Variants in FOXN3 observed in about 807,000 individuals in gnomAD.
FOXN3 encodes the protein forkhead box protein N3.
A neutral mutation model predicts 38.4 loss-of-function variants in FOXN3; 7 were observed. The ratio of observed to expected loss-of-function variants is 0.18; its 90% CI spans 0.10 to 0.34. The LOEUF (loss-of-function observed/expected upper bound fraction) is 0.34. FOXN3 is among the 10% of genes least tolerant of loss of function. The pLI is 1.00. For synonymous variants in FOXN3, 230 were observed against 242.2 expected (o/e 0.95, Z 0.47); for missense variants, 456 against 613.4 (o/e 0.74, Z 2.71).
intron 4 of FOXN3, among the ~76,000 whole-genome samples, chr14:89,204,276 G>C (rs759086009): frequency 6.6e-6 from 1 of 152,126 alleles, no homozygotes; most frequent in Non-Finnish European, 1.5e-5. Context: ...TCTTGGGGTG[G>C]CTGTGGTACA....
chr14:89,224,398 G>T (rs1884565801), intron 4 of FOXN3, among the ~76,000 whole-genome samples: 1 of 152,172 alleles, frequency 6.6e-6, no homozygotes, highest in Non-Finnish European at 1.5e-5. Flanking sequence ...CCTGTCAAAA[G>T]CCTAAGGAGA....
At chr14:89,204,158 C>T (rs1397487634) in intron 4 of FOXN3, among the ~76,000 whole-genome samples, 4 of 151,642 alleles carry the variant, frequency 2.6e-5, no homozygotes, top group South Asian at 2.1e-4. Flanking sequence ...CTTAGAAACC[C>T]GAGCTTCAGG....
chr14:89,564,345 C>A (rs1392028597), intron 1 of FOXN3, among the ~76,000 whole-genome samples: 1 of 152,186 alleles, frequency 6.6e-6, no homozygotes, highest in Non-Finnish European at 1.5e-5. Context: ...CCCAGAGAAT[C>A]TCTACAAATA....
intron 3 of FOXN3, chr14:89,290,152 T>C (rs17125613): frequency 0.33 from 62,063 of 190,738 alleles, 10,350 homozygotes; most frequent in South Asian, 0.39. Flanking sequence ...TTCCAGTTCT[T>C]TACTGCTACT....
chr14:89,501,156 A>G lies in FOXN3; in HGVS notation c.-14-88666T>C, dbSNP rs1480769475. Among the ~76,000 whole-genome samples, 3 of 152,338 alleles carry G rather than the reference A, an allele frequency of 2.0e-5. No homozygotes were observed. The East Asian group carries it at 5.8e-4, about 29-fold the overall frequency. On this transcript the variant is annotated intron_variant, in intron 1 of 6. Coordinates refer to the FOXN3 transcript ENST00000345097. ...TTTTCTAAATCTGAGGAAATGTTCA[A>G]CTGTACACATGTATCTTATGCTAAT...
intron 5 of FOXN3, among the ~76,000 whole-genome samples, chr14:89,179,894 A>T (rs1001740536): frequency 2.0e-5 from 3 of 152,256 alleles, no homozygotes; most frequent in Admixed American, 6.5e-5. Context: ...TATTTGGGGA[A>T]CACATTTGGC....
At chr14:89,257,789 A>T (rs1307506111) in intron 4 of FOXN3, among the ~76,000 whole-genome samples, 1 of 152,162 alleles carries the variant, frequency 6.6e-6, no homozygotes, top group African/African-American at 2.4e-5. Flanking sequence ...ACTTTGGCTA[A>T]TGTCCATTTA....
At chr14:89,600,126 A>G (rs1167053961) in intron 1 of FOXN3, among the ~76,000 whole-genome samples, 1 of 152,202 alleles carries the variant, frequency 6.6e-6, no homozygotes, top group Non-Finnish European at 1.5e-5. Context: ...TCTCAGCAGA[A>G]GAGTTAAACA....
rs528933288 is a variant in FOXN3 at position 89,574,182 on chromosome 14, A to G, written c.-15+44846T>C. Among the ~76,000 whole-genome samples, 3 of 152,310 alleles carry G rather than the reference A, an allele frequency of 2.0e-5. No homozygotes were observed. In the South Asian group the frequency reaches 6.2e-4, roughly 32 times the overall value. Reference sequence around the variant, plus strand: ...CCACTCTCCCTTCAGCCCCTACTCAATAATTCACTCCACTCCAAAGCAGAC... The same window carrying G: ...CCACTCTCCCTTCAGCCCCTACTCAGTAATTCACTCCACTCCAAAGCAGAC... On this transcript the variant is annotated intron_variant, in intron 1 of 6. Coordinates refer to the FOXN3 transcript ENST00000345097.
intron 3 of FOXN3, among the ~76,000 whole-genome samples, chr14:89,330,190 C>G (rs1410943374): frequency 2.0e-5 from 3 of 152,172 alleles, no homozygotes; most frequent in Admixed American, 1.3e-4. Context: ...AAGCACAAAC[C>G]TGTTTGTCAA....
chr14:89,326,349 C>T lies in FOXN3; in HGVS notation c.680+24323G>A, dbSNP rs80187643. ...ACAAGTATATTTTCAACCCCAGGAA[C>T]TGTACAGAATTTTAATTTTGCTTCA... On this transcript the variant is annotated intron_variant, in intron 3 of 5. Coordinates refer to ENST00000557258, the MANE Select transcript of FOXN3 (RefSeq NM_005197.4). 4.7e-3 allele frequency among the ~76,000 whole-genome samples: 717 copies of T among 152,310 alleles called. 7 individuals are homozygous for T. Among genetic ancestry groups the T allele is most frequent in the Non-Finnish European group, 6.6e-3 (452 of 68,018 alleles).
rs59945805 is a variant in FOXN3 at position 89,478,931 on chromosome 14, C to CAAAAAAAAAAAAA, written c.-14-66454_-14-66442dup. ...TGGGTGAGAGAGCGAGACTCCATCTCAAAAAAAAAAAAAAAAAAATTACCA... is the reference window on the plus strand; with the variant it reads ...TGGGTGAGAGAGCGAGACTCCATCTCAAAAAAAAAAAAAAAAAAAAAAAAAAAAAAAATTACCA... On this transcript the variant is annotated intron_variant, in intron 1 of 6. Transcript: ENST00000345097. Among the ~76,000 whole-genome samples the CAAAAAAAAAAAAA allele has an allele frequency of 4.5e-3, 241 of 54,142 alleles. 23 individuals are homozygous for CAAAAAAAAAAAAA. The highest frequency in any genetic ancestry group is 0.019 in the South Asian group (17 of 908). 35.5% of individuals were successfully genotyped at this position (54,142 alleles called of 152,430 possible).
intron 1 of FOXN3, among the ~76,000 whole-genome samples, chr14:89,564,145 G>A (rs243182): frequency 0.17 from 26,359 of 152,006 alleles, 3,017 homozygotes; most frequent in East Asian, 0.41. Context: ...ATGAGCCACC[G>A]TGCCTGGCCC....
At chr14:89,384,912 A>C (rs1221703147) in intron 2 of FOXN3, among the ~76,000 whole-genome samples, 1 of 152,200 alleles carries the variant, frequency 6.6e-6, no homozygotes, top group Non-Finnish European at 1.5e-5. Flanking sequence ...GTTGTAAATT[A>C]CATGGTTTTA....
intron 1 of FOXN3, among the ~76,000 whole-genome samples, chr14:89,560,742 G>A (rs1895232272): frequency 6.6e-6 from 1 of 152,128 alleles, no homozygotes; most frequent in Non-Finnish European, 1.5e-5. Flanking sequence ...TGTACTACAG[G>A]GCCAGTTACT....
At chr14:89,299,745 C>T (rs915527070) in intron 3 of FOXN3, among the ~76,000 whole-genome samples, 2 of 152,196 alleles carry the variant, frequency 1.3e-5, no homozygotes, top group Non-Finnish European at 2.9e-5. Context: ...GCCACTCCCT[C>T]CTTCCTTTGG....
At chr14:89,382,693 C>T (rs966563252) in intron 2 of FOXN3, among the ~76,000 whole-genome samples, 1 of 152,232 alleles carries the variant, frequency 6.6e-6, no homozygotes, top group African/African-American at 2.4e-5. Flanking sequence ...GCCTCTCTGA[C>T]CCTCAGTTTC....
rs57528739 is a variant in FOXN3 at position 89,310,013 on chromosome 14, T to G, written c.681-28999A>C. ...ACGTCGCTAAGTGCCATCCTACCCA[T>G]GCGGGGGTGGGGACAGTGACCAATG... On this transcript the variant is annotated intron_variant, in intron 3 of 5. Coordinates refer to ENST00000557258, the MANE Select transcript of FOXN3 (RefSeq NM_005197.4). Among the ~76,000 whole-genome samples the G allele has an allele frequency of 1.3e-4, 20 of 152,230 alleles. No homozygotes were observed. The South Asian group carries it at 3.1e-3, about 24-fold the overall frequency.
intron 1 of FOXN3, among the ~76,000 whole-genome samples, chr14:89,427,029 C>T (rs1356323951): frequency 1.3e-5 from 2 of 151,310 alleles, no homozygotes; most frequent in Non-Finnish European, 2.9e-5. Context: ...GTCAGGAGTT[C>T]GAGACCAGCC....
Sources: gnomAD v4.1 joint callset for allele counts (sites outside exome capture counted in the v4.1 genomes callset) on GRCh38, gnomAD v4.1.1 for gene constraint, MANE v1.5 for transcripts, NCBI Gene and HGNC (gene_info 2026-07-23, HGNC 2026-07-21) for gene names.